TJP3: variants seen among roughly 807,000 people sequenced by gnomAD.
TJP3 encodes the protein tight junction protein ZO-3.
A neutral mutation model predicts 104.2 loss-of-function variants in TJP3; 85 were observed. The observed-to-expected ratio is 0.82, with a 90% CI of 0.68 to 0.98. The LOEUF is 0.98. Among genes scored for constraint, TJP3 ranks in the 50% least tolerant of loss-of-function variants. The pLI, the probability that TJP3 is intolerant of heterozygous loss-of-function variation, is 0.00. For synonymous variants in TJP3, 550 were observed against 550.6 expected (o/e 1.00, Z 0.02); for missense variants, 1,367 against 1,322.8 (o/e 1.03, Z -0.52).
rs146845184 is a variant in TJP3 at position 3,734,401 on chromosome 19, C to T, written c.952C>T (p.Arg318Trp). The change falls in exon 8 of 21, where the codon CGG becomes TGG. Residue 318 changes from arginine to tryptophan, a missense_variant. Transcript: ENST00000541714. The part of the protein sequence containing the change: ...HIPPPPRHAQ[R>W]SPEASQTDSP... ...CCCACCACCACCCCGGCATGCTCAGCGGAGCCCCGAGGCCAGCCAGACCGA... is the reference window on the plus strand; with the variant it reads ...CCCACCACCACCCCGGCATGCTCAGTGGAGCCCCGAGGCCAGCCAGACCGA... 2.4e-5 allele frequency: 38 copies of T among 1,612,126 alleles called. No individual in the cohort carries two copies. The highest frequency in any genetic ancestry group is 6.7e-5 in the East Asian group (3 of 44,864).
At position 3,714,378 on chromosome 19, in the gene TJP3, C is replaced by T. The variant is rs143916269; in HGVS notation, c.-10+5817C>T. Among the ~76,000 whole-genome samples the T allele has an allele frequency of 8.2e-3, 1,236 of 151,544 alleles. 6 individuals are homozygous for T. Among genetic ancestry groups the T allele is most frequent in the Non-Finnish European group, 0.012 (840 of 67,866 alleles). ...TATTTTTAGTAGAGACAGGGTTTCACCATCTTGGCCAGGCTGGTCTCAAAC... is the reference window on the plus strand; with the variant it reads ...TATTTTTAGTAGAGACAGGGTTTCATCATCTTGGCCAGGCTGGTCTCAAAC... On this transcript the variant is annotated intron_variant, in intron 1 of 20. Coordinates refer to ENST00000541714, the MANE Select transcript of TJP3 (RefSeq NM_001267560.2).
intron 1 of TJP3, among the ~76,000 whole-genome samples, chr19:3,713,803 C>T (rs1003279713): frequency 4.6e-5 from 7 of 151,824 alleles, no homozygotes; most frequent in Admixed American, 1.3e-4. Flanking sequence ...GCAACCTCCG[C>T]CTCCCAGGTT....
At chr19:3,735,830 C>G (rs1484016825) in intron 9 of TJP3, 39 bp from the exon 10 acceptor site, 2 of 1,612,034 alleles carry the variant, frequency 1.2e-6, no homozygotes, top group Non-Finnish European at 1.7e-6. Flanking sequence ...CTGGACTGAG[C>G]CAGTGTGCTT....
intron 1 of TJP3, among the ~76,000 whole-genome samples, chr19:3,716,570 T>C (rs1351168172): frequency 6.8e-6 from 1 of 147,328 alleles, no homozygotes; most frequent in Non-Finnish European, 1.5e-5. Flanking sequence ...CAGCCAAGCA[T>C]ATGCCAGTAA....
At chr19:3,737,709 C>T (rs899001541) in intron 11 of TJP3, among the ~76,000 whole-genome samples, 14 of 152,196 alleles carry the variant, frequency 9.2e-5, no homozygotes, top group Non-Finnish European at 1.6e-4. Context: ...CCCCACTTTC[C>T]ATGTCATAAG....
intron 1 of TJP3, among the ~76,000 whole-genome samples, chr19:3,724,999 G>A (rs2036582763): frequency 6.6e-6 from 1 of 152,174 alleles, no homozygotes; most frequent in South Asian, 2.1e-4. Context: ...GGTGGCTCAC[G>A]CCTGTAATTC....
In TJP3 at chr19:3,747,954, G is replaced by A. The variant is rs150264380; in HGVS notation, c.2483G>A (p.Gly828Glu). ...GAGGGCTACACAGACGGCGAGGGGG[G>A]GCCCTACACGGATGTGGATGATGAG... ...DGEGYTDGEGGPYTDVDDEPP... is the reference protein window; with the variant it reads ...DGEGYTDGEGEPYTDVDDEPP... Residue 828 changes from glycine to glutamate, a missense_variant, in exon 19 of 21, where the codon GGG becomes GAG. By Grantham distance (98) the Gly-to-Glu change is moderately conservative. Transcript: ENST00000541714. 8 of 1,612,866 alleles carry A rather than the reference G, an allele frequency of 5.0e-6. No individual in the cohort carries two copies. The highest frequency in any genetic ancestry group is 2.2e-5 in the East Asian group (1 of 44,874).
At chr19:3,742,313 G>A (rs374180267) in intron 14 of TJP3, among the ~76,000 whole-genome samples, 1 of 151,128 alleles carries the variant, frequency 6.6e-6, no homozygotes, top group Non-Finnish European at 1.5e-5. Flanking sequence ...TACGCCAGTA[G>A]TCCCAGCTAC....
chr19:3,728,423 G>C lies in TJP3; in HGVS notation c.-9-1G>C, dbSNP rs150495608. 1.9e-6 allele frequency: 3 copies of C among 1,614,212 alleles called. No individual in the cohort carries two copies. The highest frequency in any genetic ancestry group is 2.7e-5 in the African/African-American group (2 of 75,062). ...CCATCTTCCCCGCTCCCCTCGACCA[G>C]GTGGCTGACATGGAGGAGCTGACCA... On this transcript the variant is annotated splice_acceptor_variant, in intron 1 of 20. Coordinates refer to ENST00000541714, the MANE Select transcript of TJP3 (RefSeq NM_001267560.2). LOFTEE classifies it low-confidence loss of function (5UTR_SPLICE).
intron 13 of TJP3, among the ~76,000 whole-genome samples, chr19:3,740,237 G>GTAAATAAA (rs1380964342): frequency 2.0e-5 from 3 of 151,144 alleles, no homozygotes; most frequent in East Asian, 3.9e-4. Flanking sequence ...TCTCAAAAAA[G>GTAAATAAA]TAAATAAATA....
intron 7 of TJP3, 112 bp from the exon 8 acceptor site, chr19:3,734,215 T>C: frequency 8.7e-7 from 1 of 1,155,402 alleles, no homozygotes; most frequent in Middle Eastern, 2.0e-4. Flanking sequence ...ACTGAGCTTC[T>C]GACTTTGGTC....
intron 1 of TJP3, among the ~76,000 whole-genome samples, chr19:3,715,150 C>A (rs1462564952): frequency 1.3e-5 from 2 of 149,470 alleles, no homozygotes; most frequent in African/African-American, 4.9e-5. Flanking sequence ...AGCGCAGTGG[C>A]GCAATCTCGG....
rs765763713 is a variant in TJP3 at position 3,740,554 on chromosome 19, C to T, written c.1634C>T (p.Ala545Val). The change falls in exon 14 of 21, where the codon GCG becomes GTG. Residue 545 changes from alanine to valine, a missense_variant and splice_region_variant. Coordinates refer to ENST00000541714, the MANE Select transcript of TJP3 (RefSeq NM_001267560.2). ...GTACTGTCCCCTCTTCTCCCCAGGG[C>T]GGAGCAGCTGGCCAGCCTGGAAGCT... is the stretch of plus-strand genomic sequence containing the variant. ...ERGIIPNQSR[A>V]EQLASLEAAQ... 19 of 1,470,696 alleles carry T rather than the reference C, an allele frequency of 1.3e-5. No homozygotes were observed. The highest frequency in any genetic ancestry group is 2.8e-5 in the South Asian group (2 of 70,862). The allele number at this position is 1,470,696 out of a possible 1,614,324, so 91.1% of individuals were successfully genotyped here.
Position 3,746,734 on chromosome 19 carries a change from C to T in TJP3, c.2221+39C>T, listed in dbSNP as rs376084043. 27 of 1,599,644 alleles carry T rather than the reference C, an allele frequency of 1.7e-5. No homozygotes were observed. The African/African-American group carries it at 3.5e-4, about 21-fold the overall frequency. On this transcript the variant is annotated intron_variant, in intron 17 of 20. Transcript: ENST00000541714. The surrounding 1 kb of genome is among the most constrained non-coding windows in gnomAD (Gnocchi z 4.1). ...TGTCCCAGGGTAGGCGGGTGGGCCCCAGCCTGAGTCTCCTGCACACACTGA... is the reference window on the plus strand; with the variant it reads ...TGTCCCAGGGTAGGCGGGTGGGCCCTAGCCTGAGTCTCCTGCACACACTGA...
intron 18 of TJP3, among the ~76,000 whole-genome samples, chr19:3,747,320 C>G (rs1048441024): frequency 2.6e-5 from 4 of 152,134 alleles, no homozygotes; most frequent in Non-Finnish European, 4.4e-5. Context: ...CTCAGCTTCC[C>G]AAAGTGCTGG....
Position 3,738,627 on chromosome 19 carries a change from G to A in TJP3, c.1357G>A (p.Glu453Lys), listed in dbSNP as rs150612107. Residue 453 changes from glutamate (E) to lysine (K), a missense_variant, in exon 12 of 21, where the codon GAG (glutamate) becomes AAG (lysine). Coordinates refer to ENST00000541714, the MANE Select transcript of TJP3 (RefSeq NM_001267560.2). ...VQFLLGLPPGEEMELVTQRKQ... is the reference protein window; with the variant it reads ...VQFLLGLPPGKEMELVTQRKQ... ...GTTCCTGCTGGGGCTGCCACCAGGCGAGGAGATGGAGCTGGTGACGCAGAG... is the reference window on the plus strand; with the variant it reads ...GTTCCTGCTGGGGCTGCCACCAGGCAAGGAGATGGAGCTGGTGACGCAGAG... 1.1e-4 allele frequency: 174 copies of A among 1,613,888 alleles called. 1 individual carries two copies. In the African/African-American group the frequency reaches 1.8e-3, roughly 17 times the overall value.
At chr19:3,712,177 G>T (rs912274342) in intron 1 of TJP3, among the ~76,000 whole-genome samples, 1 of 152,214 alleles carries the variant, frequency 6.6e-6, no homozygotes, top group Non-Finnish European at 1.5e-5. Context: ...TTAGCCAGGT[G>T]TGTTGGCGTG....
Position 3,730,822 on chromosome 19 carries a change from A to T in TJP3, c.613+116A>T. ...CAGCCTCCCTGGTGGCTGGGACTCC[A>T]GGCGCCCGCCACCATGCCTGGCTAA... is the stretch of plus-strand genomic sequence containing the variant. On this transcript the variant is annotated intron_variant, in intron 5 of 20. Transcript: ENST00000541714. The surrounding 1 kb of genome is among the most constrained non-coding windows in gnomAD (Gnocchi z 7.3). 8.8e-7 allele frequency: 1 copy of T among 1,134,272 alleles called. No individual in the cohort carries two copies. The highest frequency in any genetic ancestry group is 1.2e-6 in the Non-Finnish European group (1 of 820,930). The allele number at this position is 1,134,272 out of a possible 1,614,324, so 70.3% of individuals were successfully genotyped here. A position where few individuals can be genotyped will look rare whatever the true frequency, so the allele number is the denominator to read the frequency against.
chr19:3,717,912 G>A (rs1443254136), intron 1 of TJP3, among the ~76,000 whole-genome samples: 1 of 91,574 alleles, frequency 1.1e-5, no homozygotes, highest in African/African-American at 5.4e-5. Context: ...ACCAAGACTG[G>A]CTAATTAAAA....
Sources: allele counts gnomAD v4.1 joint callset (sites outside exome capture counted in the v4.1 genomes callset), GRCh38; gene constraint gnomAD v4.1.1; non-coding constraint Gnocchi (gnomAD v3.1); transcripts MANE v1.5; gene names NCBI Gene and HGNC (gene_info 2026-07-23, HGNC 2026-07-21).